The following N4BP1 variants were observed in gnomAD, a reference collection of about 807,000 sequenced individuals.
N4BP1 encodes NEDD4-binding protein 1.
A neutral mutation model predicts 70.9 loss-of-function variants in N4BP1; 21 were observed. The observed-to-expected ratio is 0.30, with a 90% CI of 0.21 to 0.43. The LOEUF (loss-of-function observed/expected upper bound fraction) is 0.43. N4BP1 is among the 20% of genes least tolerant of loss of function. The probability of loss-of-function intolerance (pLI) is 1.00; values close to 1 mark genes in which losing one functional copy is unlikely to be tolerated. For synonymous variants in N4BP1, 387 were observed against 394.6 expected (o/e 0.98, Z 0.23); for missense variants, 936 against 1,069.4 (o/e 0.88, Z 1.74).
intron 1 of N4BP1, among the ~76,000 whole-genome samples, chr16:48,570,563 T>G (rs1172782910): frequency 6.6e-6 from 1 of 152,168 alleles, no homozygotes; most frequent in African/African-American, 2.4e-5. Context: ...CCCAGGGTGG[T>G]CTGGAACTCC....
chr16:48,589,413 C>T (rs1175419959), intron 1 of N4BP1, among the ~76,000 whole-genome samples: 2 of 152,094 alleles, frequency 1.3e-5, no homozygotes, highest in African/African-American at 4.8e-5. Flanking sequence ...TGTAATGAGG[C>T]TTCCATAAAA....
At chr16:48,600,205 C>A in intron 1 of N4BP1, 1 of 712,930 alleles carries the variant, frequency 1.4e-6, no homozygotes, top group East Asian at 2.6e-5. Flanking sequence ...CCCATCTACC[C>A]TGGCCACGGC....
chr16:48,590,345 G>A (rs1047518183), intron 1 of N4BP1, among the ~76,000 whole-genome samples: 1 of 152,114 alleles, frequency 6.6e-6, no homozygotes, highest in African/African-American at 2.4e-5. Context: ...CTGAACGCTG[G>A]GGGAGAGGGT....
chr16:48,602,893 G>A (rs1049271754), intron 1 of N4BP1, among the ~76,000 whole-genome samples: 1 of 152,130 alleles, frequency 6.6e-6, no homozygotes, highest in Non-Finnish European at 1.5e-5. Context: ...TGAGGTGGGA[G>A]GATCACTTGA....
chr16:48,588,121 T>TA (rs1310025962), intron 1 of N4BP1, among the ~76,000 whole-genome samples: 1 of 152,138 alleles, frequency 6.6e-6, no homozygotes, highest in Non-Finnish European at 1.5e-5. Flanking sequence ...CCTCACTAGC[T>TA]ACTAATACAT....
intron 1 of N4BP1, among the ~76,000 whole-genome samples, chr16:48,607,563 A>G (rs141452317): frequency 1.3e-5 from 2 of 152,222 alleles, no homozygotes; most frequent in East Asian, 3.9e-4. Flanking sequence ...GGAGGGAGGG[A>G]GCAATGAATG....
At chr16:48,583,148 G>A (rs1282622377) in intron 1 of N4BP1, among the ~76,000 whole-genome samples, 2 of 152,114 alleles carry the variant, frequency 1.3e-5, no homozygotes, top group Non-Finnish European at 2.9e-5. Context: ...ATCCCTTGGT[G>A]TCCGCAGGGG....
chr16:48,592,770 C>T (rs896435087), intron 1 of N4BP1, among the ~76,000 whole-genome samples: 1 of 152,164 alleles, frequency 6.6e-6, no homozygotes, highest in African/African-American at 2.4e-5. Context: ...TTGCTAAATG[C>T]TCTAAGGTCA....
chr16:48,553,700 A>C, intron 2 of N4BP1, 31 bp from the exon 3 acceptor site: 1 of 1,510,158 alleles, frequency 6.6e-7, no homozygotes, highest in South Asian at 1.3e-5. Context: ...AAAATAAGTA[A>C]AGTTTATTTC....
At chr16:48,568,812 A>G (rs116779895) in intron 1 of N4BP1, among the ~76,000 whole-genome samples, 2,065 of 152,272 alleles carry the variant, frequency 0.014, 42 homozygotes, top group African/African-American at 0.047. Context: ...GGATGCTTGC[A>G]TGATTTTTAC....
chr16:48,581,007 C>T (rs1169362516), intron 1 of N4BP1, among the ~76,000 whole-genome samples: 2 of 152,024 alleles, frequency 1.3e-5, no homozygotes, highest in Non-Finnish European at 2.9e-5. Flanking sequence ...GATCCTGGAA[C>T]CAATCACCCA....
chr16:48,600,243 G>C (rs1218346329), intron 1 of N4BP1: 2 of 866,940 alleles, frequency 2.3e-6, no homozygotes, highest in Middle Eastern at 3.0e-4. Context: ...CGACTGAAAG[G>C]TGTTCAGATT....
chr16:48,608,405 A>G (rs1964618868), intron 1 of N4BP1, among the ~76,000 whole-genome samples: 1 of 152,224 alleles, frequency 6.6e-6, no homozygotes, highest in Non-Finnish European at 1.5e-5. Flanking sequence ...TAAATCTAAG[A>G]ACATCAGGAG....
At chr16:48,558,139 T>A (rs1482663774) in intron 2 of N4BP1, among the ~76,000 whole-genome samples, 2 of 152,038 alleles carry the variant, frequency 1.3e-5, no homozygotes, top group Non-Finnish European at 2.9e-5. Context: ...TATGGGTAAA[T>A]CTTAATTACT....
intron 1 of N4BP1, among the ~76,000 whole-genome samples, chr16:48,598,429 T>C (rs1964451273): frequency 6.6e-6 from 1 of 151,488 alleles, no homozygotes; most frequent in Non-Finnish European, 1.5e-5. Flanking sequence ...ATAAGGTGAG[T>C]AAAAAAATCA....
chr16:48,539,480 G>A lies in N4BP1; in HGVS notation c.*3424C>T, dbSNP rs1431966161. On this transcript the variant is annotated 3_prime_UTR_variant, in exon 7 of 7. Transcript: ENST00000262384. ...CTGGTAGAGTGGAAAGTGCACTCCTGAAGGTCAGGGCCAGTCACTACAGAG... is the reference window on the plus strand; with the variant it reads ...CTGGTAGAGTGGAAAGTGCACTCCTAAAGGTCAGGGCCAGTCACTACAGAG... The A allele has an allele frequency of 6.6e-6, 1 of 152,476 alleles. No homozygotes were observed. 9.4% of individuals were successfully genotyped at this position (152,476 alleles called of 1,614,324 possible).
intron 2 of N4BP1, 66 bp downstream of exon 2, chr16:48,560,688 A>C: frequency 6.5e-7 from 1 of 1,527,258 alleles, no homozygotes; most frequent in Non-Finnish European, 8.8e-7. Flanking sequence ...TCCCATATAC[A>C]TGTGATTCTG....
Position 48,540,809 on chromosome 16 carries a change from G to A in N4BP1, c.*2095C>T, listed in dbSNP as rs1255394960. The A allele has an allele frequency of 6.6e-6, 1 of 152,248 alleles. No homozygotes were observed. Among genetic ancestry groups the A allele is most frequent in the East Asian group, 1.9e-4 (1 of 5,198 alleles). 9.4% of individuals were successfully genotyped at this position (152,248 alleles called of 1,614,324 possible). On this transcript the variant is annotated 3_prime_UTR_variant, in exon 7 of 7. Transcript: ENST00000262384. ...ACTGAGGCTAGTACTGGAGGAGGCTGAGAACCAGTAATGAGTTCTTAATGG... is the reference window on the plus strand; with the variant it reads ...ACTGAGGCTAGTACTGGAGGAGGCTAAGAACCAGTAATGAGTTCTTAATGG...
At chr16:48,553,866 C>G (rs762958385) in intron 2 of N4BP1, among the ~76,000 whole-genome samples, 197 bp from the exon 3 acceptor site, 1 of 152,176 alleles carries the variant, frequency 6.6e-6, no homozygotes, top group Non-Finnish European at 1.5e-5. Context: ...TTAATAGTGT[C>G]TTAGGATTTT....
Sources: allele counts gnomAD v4.1 joint callset (sites outside exome capture counted in the v4.1 genomes callset), GRCh38; gene constraint gnomAD v4.1.1; transcripts MANE v1.5; gene names NCBI Gene and HGNC (gene_info 2026-07-23, HGNC 2026-07-21).